The following DPH7 variants were observed in gnomAD, a reference collection of about 807,000 sequenced individuals.
DPH7 encodes the protein diphthine methyltransferase.
In DPH7, 44 loss-of-function variants were observed where a neutral mutation model predicts 41.7. The observed-to-expected ratio is 1.05, with a 90% CI of 0.83 to 1.36. The LOEUF (loss-of-function observed/expected upper bound fraction) is 1.36. Among genes scored for constraint, DPH7 ranks in the 40% most tolerant of loss-of-function variants. The probability of loss-of-function intolerance (pLI) is 0.00; values close to 1 mark genes in which losing one functional copy is unlikely to be tolerated. For synonymous variants in DPH7, 275 were observed against 238.0 expected, an observed-to-expected ratio of 1.16 and a Z score of -1.43; for missense variants, 629 against 577.5, an observed-to-expected ratio of 1.09 and a Z score of -0.91.
At position 137,565,020 on chromosome 9, in the gene DPH7, G is replaced by A. The variant is rs1269794691; in HGVS notation, c.711-62C>T. On this transcript the variant is annotated intron_variant, in intron 6 of 8. Coordinates refer to ENST00000277540, the MANE Select transcript of DPH7 (RefSeq NM_138778.5). ...ACACAGACCCACCCAGGGAACGGGA[G>A]GGCTGGTGACCCAGGGAACGCGGGG... 17 of 1,610,522 alleles carry A rather than the reference G, an allele frequency of 1.1e-5. No individual in the cohort carries two copies. The African/African-American group carries it at 1.5e-4, about 14-fold the overall frequency.
At chr9:137,572,397 C>T (rs1840592560) in intron 5 of DPH7, among the ~76,000 whole-genome samples, 1 of 152,178 alleles carries the variant, frequency 6.6e-6, no homozygotes, top group African/African-American at 2.4e-5. Flanking sequence ...CTCAATGAAA[C>T]AGGAACTGTG....
At chr9:137,569,719 G>GATCCATCCATCC (rs772760705) in intron 5 of DPH7, among the ~76,000 whole-genome samples, 10,086 of 95,274 alleles carry the variant, frequency 0.11, 594 homozygotes, top group Middle Eastern at 0.14. Flanking sequence ...ATCCACCCAT[G>GATCCATCCATCC]ATCCATCCAT....
intron 2 of DPH7, chr9:137,576,382 C>T: frequency 1.8e-6 from 1 of 550,294 alleles, no homozygotes; most frequent in Non-Finnish European, 3.3e-6. Flanking sequence ...AAGTGTGACA[C>T]AACAGGAAGT....
chr9:137,557,232 G>A (rs1837669220), intron 8 of DPH7, among the ~76,000 whole-genome samples: 2 of 152,238 alleles, frequency 1.3e-5, no homozygotes, highest in African/African-American at 4.8e-5. Flanking sequence ...ATTAGGCCGG[G>A]CGCGGTGGCT....
At chr9:137,572,444 G>C (rs1350136413) in intron 5 of DPH7, among the ~76,000 whole-genome samples, 4 of 152,192 alleles carry the variant, frequency 2.6e-5, no homozygotes, top group Admixed American at 1.3e-4. Flanking sequence ...GATAAAGTGT[G>C]TGTGTTTTTA....
At chr9:137,576,885 G>T (rs1056673799) in intron 2 of DPH7, among the ~76,000 whole-genome samples, 3 of 148,252 alleles carry the variant, frequency 2.0e-5, no homozygotes, top group Non-Finnish European at 3.0e-5. Flanking sequence ...GCGAGACTCC[G>T]TCTCAAAAAA....
chr9:137,565,000 G>C (rs1404194610), intron 6 of DPH7, 42 bp from the exon 7 acceptor site: 1 of 1,604,284 alleles, frequency 6.2e-7, no homozygotes, highest in Admixed American at 1.7e-5. Context: ...CCAGCACACA[G>C]ACCCACCCAG....
At chr9:137,574,154 C>A in intron 5 of DPH7, 54 bp downstream of exon 5, 2 of 1,570,352 alleles carry the variant, frequency 1.3e-6, no homozygotes, top group South Asian at 2.3e-5. Context: ...TCTCTCCCTC[C>A]GCCCCTTCCT....
At position 137,574,295 on chromosome 9, in the gene DPH7, G is replaced by A. The variant is rs146747263; in HGVS notation, c.553C>T (p.Leu185=). Residue 185 remains leucine, a synonymous_variant, in exon 5 of 9, where the codon CTG becomes TTG. Transcript: ENST00000277540. The part of the protein sequence containing the change: ...LLMVNETRPR[L]QKVASWQAHQ... ...GCCTGCCATGAGGCCACTTTCTGCA[G>A]CCTGGGCCTCGTCTCATTCACCATC... 1.9e-6 allele frequency: 3 copies of A among 1,614,222 alleles called. No individual in the cohort carries two copies. Among genetic ancestry groups the A allele is most frequent in the Middle Eastern group, 1.6e-4 (1 of 6,062 alleles).
At chr9:137,561,846 T>G (rs185692059) in intron 8 of DPH7, among the ~76,000 whole-genome samples, 1 of 151,878 alleles carries the variant, frequency 6.6e-6, no homozygotes, top group East Asian at 1.9e-4. Flanking sequence ...ACAGTTAGAG[T>G]TGGAGGTAGC....
At chr9:137,562,690 C>CCAGG (rs1838832534) in intron 8 of DPH7, among the ~76,000 whole-genome samples, 1 of 151,876 alleles carries the variant, frequency 6.6e-6, no homozygotes, top group East Asian at 1.9e-4. Context: ...GGTTTGAGCC[C>CCAGG]AGGGGCTGGG....
chr9:137,565,223 ATGTCTGTGAGGAAGCTCCCCGGGGTGAC>A lies in DPH7; in HGVS notation c.641-97_641-70del, dbSNP rs1564433690. 706 of 1,551,418 alleles carry A rather than the reference ATGTCTGTGAGGAAGCTCCCCGGGGTGAC, an allele frequency of 4.6e-4. 3 individuals are homozygous for A. The highest frequency in any genetic ancestry group is 3.7e-3 in the East Asian group (162 of 44,328). On this transcript the variant is annotated intron_variant, in intron 5 of 8. Coordinates refer to ENST00000277540, the MANE Select transcript of DPH7 (RefSeq NM_138778.5). Reference sequence around the variant, plus strand: ...ATGAGTGTTCTCAGTTAGGCCGTTGATGTCTGTGAGGAAGCTCCCCGGGGTGACTGTCTGTGAGGAAGCTCCCCGGGGT... The same window carrying A: ...ATGAGTGTTCTCAGTTAGGCCGTTGATGTCTGTGAGGAAGCTCCCCGGGGT...
intron 1 of DPH7, 175 bp downstream of exon 1, chr9:137,578,450 G>A (rs1841827195): frequency 4.1e-6 from 3 of 733,584 alleles, no homozygotes; most frequent in Non-Finnish European, 6.1e-6. Flanking sequence ...ACAGGCGTGA[G>A]CCACTGCGCC....
In DPH7 at chr9:137,565,271, C is replaced by T. The variant is rs984676614; in HGVS notation, c.641-117G>A. 4.2e-4 allele frequency: 345 copies of T among 819,728 alleles called. 2 individuals are homozygous for T. Among genetic ancestry groups the T allele is most frequent in the Middle Eastern group, 5.8e-4 (2 of 3,430 alleles). The allele number at this position is 819,728 out of a possible 1,614,324, so 50.8% of individuals were successfully genotyped here. On this transcript the variant is annotated intron_variant, in intron 5 of 8. Transcript: ENST00000277540. ...GGTGACTGTCTGTGAGGAAGCTCCC[C>T]GGGGTGACTCTGTCTGTGAGGAAGC...
At chr9:137,577,889 T>C (rs547299962) in intron 1 of DPH7, 6 of 883,386 alleles carry the variant, frequency 6.8e-6, no homozygotes, top group Non-Finnish European at 8.1e-6. Flanking sequence ...GACTTACGCC[T>C]GTTGTTCCAG....
At chr9:137,561,094 T>C (rs572974455) in intron 8 of DPH7, among the ~76,000 whole-genome samples, 1 of 149,976 alleles carries the variant, frequency 6.7e-6, no homozygotes. Flanking sequence ...CAAGCACCAA[T>C]TGTCTCTGAA....
At chr9:137,565,223 A>ATGTCTGTGAGGAAGCTCCCCGGGGTGAC (rs1564433690) in intron 5 of DPH7, 69 bp from the exon 6 acceptor site, 4 of 1,551,464 alleles carry the variant, frequency 2.6e-6, no homozygotes, top group Non-Finnish European at 3.5e-6. Context: ...TAGGCCGTTG[A>ATGTCTGTGAGGAAGCTCCCCGGGGTGAC]TGTCTGTGAG....
chr9:137,559,253 G>A (rs938082454), intron 8 of DPH7, among the ~76,000 whole-genome samples: 14 of 152,200 alleles, frequency 9.2e-5, no homozygotes, highest in African/African-American at 2.9e-4. Flanking sequence ...ACAAGAGTGC[G>A]AGCCTTCTGT....
chr9:137,564,604 T>C lies in DPH7; in HGVS notation c.779A>G (p.Tyr260Cys), dbSNP rs377661114. Reference protein sequence around the residue: ...HREHILATGSYDEHILLWDTR... With the variant: ...HREHILATGSCDEHILLWDTR... The stretch of plus-strand genomic sequence containing the variant: ...GTCCCACAGTAGGATGTGTTCATCA[T>C]AGCTGAAACCGACCAACCACAGGAG... The change falls in exon 8 of 9, where the codon TAT (tyrosine) becomes TGT (cysteine). Residue 260 changes from tyrosine (Y) to cysteine (C), a missense_variant and splice_region_variant. Coordinates refer to ENST00000277540, the MANE Select transcript of DPH7 (RefSeq NM_138778.5). 8.6e-5 allele frequency: 139 copies of C among 1,609,030 alleles called. No individual in the cohort carries two copies. Among genetic ancestry groups the C allele is most frequent in the South Asian group, 4.2e-4 (38 of 90,992 alleles).
Sources: gnomAD v4.1 joint callset for allele counts (sites outside exome capture counted in the v4.1 genomes callset) on GRCh38, gnomAD v4.1.1 for gene constraint, MANE v1.5 for transcripts, NCBI Gene and HGNC (gene_info 2026-07-23, HGNC 2026-07-21) for gene names.